RB1: variants seen among roughly 807,000 people sequenced by gnomAD.
RB1 encodes the protein retinoblastoma-associated protein.
RB1 carries 18 observed loss-of-function variants against 135.4 expected under a neutral mutation model. The observed-to-expected ratio is 0.13, with a 90% CI of 0.09 to 0.20. RB1 has a LOEUF of 0.20. Ranked by LOEUF, RB1 falls within the 10% of genes least tolerant of loss-of-function variation. The pLI is 1.00. For synonymous variants in RB1, 365 were observed against 373.2 expected (o/e 0.98, Z 0.25); for missense variants, 868 against 1,110.0 (o/e 0.78, Z 3.10).
intron 17 of RB1, among the ~76,000 whole-genome samples, chr13:48,384,465 A>G (rs1474956454): frequency 1.3e-5 from 2 of 152,132 alleles, no homozygotes; most frequent in African/African-American, 4.8e-5. Context: ...TTTGAAATAT[A>G]ACACATATTA....
intron 12 of RB1, among the ~76,000 whole-genome samples, chr13:48,374,775 A>G (rs1182483370): frequency 6.6e-6 from 1 of 152,156 alleles, no homozygotes; most frequent in Non-Finnish European, 1.5e-5. Flanking sequence ...TATTTAAAAA[A>G]TTCTGCCTCA....
intron 17 of RB1, among the ~76,000 whole-genome samples, chr13:48,409,136 T>A (rs1043708540): frequency 4.6e-5 from 7 of 151,478 alleles, no homozygotes; most frequent in Non-Finnish European, 1.0e-4. Flanking sequence ...TTTTTTGGGT[T>A]TTTTTTCTTT....
At chr13:48,363,093 T>G in intron 8 of RB1, 136 bp downstream of exon 8, 1 of 1,088,698 alleles carries the variant, frequency 9.2e-7, no homozygotes, top group Non-Finnish European at 1.3e-6. Flanking sequence ...TAGCAAAATA[T>G]TTAGAAAAAA....
chr13:48,379,371 A>G (rs1265784264), intron 13 of RB1, among the ~76,000 whole-genome samples: 3 of 152,112 alleles, frequency 2.0e-5, no homozygotes, highest in Admixed American at 2.0e-4. Context: ...ATGTTTTAAG[A>G]AAAGGCTTTT....
At chr13:48,309,971 GGGACTA>G (rs1284792692) in intron 2 of RB1, among the ~76,000 whole-genome samples, 1 of 152,108 alleles carries the variant, frequency 6.6e-6, no homozygotes, top group Non-Finnish European at 1.5e-5. Context: ...GCTCATAATG[GGGACTA>G]GGATGTGTGA....
At chr13:48,448,198 A>G (rs758545518) in intron 17 of RB1, among the ~76,000 whole-genome samples, 3 of 152,222 alleles carry the variant, frequency 2.0e-5, no homozygotes, top group Admixed American at 6.5e-5. Flanking sequence ...TGAATTTCCT[A>G]AGTGTTAATT....
At chr13:48,304,173 C>A in intron 1 of RB1, 124 bp downstream of exon 1, 1 of 1,086,058 alleles carries the variant, frequency 9.2e-7, no homozygotes, top group Non-Finnish European at 1.2e-6. Flanking sequence ...CGGGAGGAGG[C>A]GCCCTCCCTG....
chr13:48,462,265 A>G lies in RB1; in HGVS notation c.2107-1466A>G, dbSNP rs200573720. Among the ~76,000 whole-genome samples the G allele has an allele frequency of 1.7e-4, 26 of 152,100 alleles. No homozygotes were observed. In the East Asian group the frequency reaches 5.0e-3, roughly 29 times the overall value. On this transcript the variant is annotated intron_variant, in intron 20 of 26. Coordinates refer to ENST00000267163, the MANE Select transcript of RB1 (RefSeq NM_000321.3). ...CTGCCTCCTGAGTAGCTGGGACTAT[A>G]GGCACACACCACCACGCCGAGCTAA...
chr13:48,359,280 A>G (rs1305564851), intron 6 of RB1, among the ~76,000 whole-genome samples: 1 of 151,640 alleles, frequency 6.6e-6, no homozygotes, highest in African/African-American at 2.4e-5. Flanking sequence ...AACTTTAAAG[A>G]TTTTATGGTG....
chr13:48,463,726 A>C lies in RB1; in HGVS notation c.2107-5A>C. 1 of 1,459,384 alleles carries C rather than the reference A, an allele frequency of 6.9e-7. No individual in the cohort carries two copies. The highest frequency in any genetic ancestry group is 9.6e-7 in the Non-Finnish European group (1 of 1,039,684). The allele number at this position is 1,459,384 out of a possible 1,614,324, so 90.4% of individuals were successfully genotyped here. ...TGACTACTTTTACATCAATTTATTT[A>C]CTAGATTATGATGTGTTCCATGTAT... On this transcript the variant is annotated splice_region_variant and splice_polypyrimidine_tract_variant and intron_variant, in intron 20 of 26. Coordinates refer to ENST00000267163, the MANE Select transcript of RB1 (RefSeq NM_000321.3).
chr13:48,316,155 C>A (rs1289132059), intron 2 of RB1, among the ~76,000 whole-genome samples: 1 of 152,034 alleles, frequency 6.6e-6, no homozygotes, highest in Non-Finnish European at 1.5e-5. Context: ...ATTTCACATG[C>A]AACAGGGAGC....
intron 10 of RB1, 27 bp downstream of exon 10, chr13:48,367,630 T>C: frequency 6.3e-7 from 1 of 1,594,532 alleles, no homozygotes; most frequent in Non-Finnish European, 8.6e-7. Context: ...ATTTGATTGA[T>C]TTGCTTTAGA....
intron 13 of RB1, 132 bp from the exon 14 acceptor site, chr13:48,379,462 A>G: frequency 8.5e-7 from 1 of 1,177,728 alleles, no homozygotes; most frequent in Non-Finnish European, 1.2e-6. Context: ...AAGCAGGAGG[A>G]TCTCTTGAGC....
intron 17 of RB1, among the ~76,000 whole-genome samples, chr13:48,439,994 T>C (rs1362423223): frequency 6.6e-6 from 1 of 152,130 alleles, no homozygotes; most frequent in Non-Finnish European, 1.5e-5. Flanking sequence ...GTCTAAATAT[T>C]TTTATATGTA....
At chr13:48,425,756 G>A (rs916667679) in intron 17 of RB1, among the ~76,000 whole-genome samples, 1 of 152,086 alleles carries the variant, frequency 6.6e-6, no homozygotes, top group African/African-American at 2.4e-5. Context: ...TTTGTAAAAG[G>A]AGAGTATTAA....
At chr13:48,385,876 T>C (rs1475609057) in intron 17 of RB1, among the ~76,000 whole-genome samples, 1 of 152,026 alleles carries the variant, frequency 6.6e-6, no homozygotes, top group African/African-American at 2.4e-5. Flanking sequence ...TTATCCAGCA[T>C]AGAAAGAAGG....
At position 48,411,609 on chromosome 13, in the gene RB1, A is replaced by G. The variant is rs114372872; in HGVS notation, c.1695+30166A>G. ...AGCAATACAGAGAGTGATTGGGTACATTGTCCTTACTGCTGCCACTACTGA... is the reference window on the plus strand; with the variant it reads ...AGCAATACAGAGAGTGATTGGGTACGTTGTCCTTACTGCTGCCACTACTGA... On this transcript the variant is annotated intron_variant, in intron 17 of 26. Coordinates refer to ENST00000267163, the MANE Select transcript of RB1 (RefSeq NM_000321.3). 3.5e-5 allele frequency: 57 copies of G among 1,612,496 alleles called. No individual in the cohort carries two copies. The highest frequency in any genetic ancestry group is 3.3e-4 in the African/African-American group (25 of 74,996).
chr13:48,368,577 A>C lies in RB1; in HGVS notation c.1100A>C (p.Asn367Thr). The change falls in exon 11 of 27, where the codon AAT (asparagine) becomes ACT (threonine). Residue 367 changes from asparagine to threonine, a missense_variant. Physicochemically the swap from Asn to Thr is moderately conservative, Grantham distance 65. Transcript: ENST00000267163. ...PRKSNLDEEV[N>T]VIPPHTPVRT... is the part of the protein sequence containing the mutation. The stretch of plus-strand genomic sequence containing the variant: ...AAAAGTAACCTTGATGAAGAGGTGA[A>C]TGTAATTCCTCCACACACTCCAGTT... 6.2e-7 allele frequency: 1 copy of C among 1,613,586 alleles called. No homozygotes were observed. The highest frequency in any genetic ancestry group is 8.5e-7 in the Non-Finnish European group (1 of 1,179,740).
In RB1 at chr13:48,459,682, C is replaced by A. The variant is rs200501806; in HGVS notation, c.1961-6C>A. 1.9e-6 allele frequency: 3 copies of A among 1,613,802 alleles called. No individual in the cohort carries two copies. The Admixed American group carries it at 5.0e-5, about 27-fold the overall frequency. On this transcript the variant is annotated splice_region_variant and splice_polypyrimidine_tract_variant and intron_variant, in intron 19 of 26. Transcript: ENST00000267163. The stretch of plus-strand genomic sequence containing the variant: ...TAAAAATGACTAATTTTTCTTATTC[C>A]CACAGTGTATCGGCTAGCCTATCTC...
Sources: gnomAD v4.1 joint callset for allele counts (sites outside exome capture counted in the v4.1 genomes callset) on GRCh38, gnomAD v4.1.1 for gene constraint, MANE v1.5 for transcripts, NCBI Gene and HGNC (gene_info 2026-07-23, HGNC 2026-07-21) for gene names.